MALRD1: variants seen among roughly 807,000 people sequenced by gnomAD.
The protein encoded by MALRD1 is MAM and LDL receptor class A domain containing 1, also known as MAM and LDL-receptor class A domain-containing protein 1.
MALRD1 carries 247 observed loss-of-function variants against 242.1 expected under a neutral mutation model. The observed-to-expected ratio is 1.02, with a 90% CI of 0.92 to 1.13. The LOEUF (loss-of-function observed/expected upper bound fraction) is 1.13, where lower values mean the gene tolerates loss of function less well. MALRD1 is among the 50% of genes most tolerant of loss of function. The pLI is 0.00. For synonymous variants in MALRD1, 995 were observed against 866.6 expected, an observed-to-expected ratio of 1.15 and a Z score of -2.60; for missense variants, 2,989 against 2,533.1, an observed-to-expected ratio of 1.18 and a Z score of -3.86.
At chr10:19,261,459 A>G (rs962984731) in intron 19 of MALRD1, among the ~76,000 whole-genome samples, 3 of 152,016 alleles carry the variant, frequency 2.0e-5, no homozygotes, top group African/African-American at 7.3e-5. Context: ...AAAAAAAAAA[A>G]AATGTTACTC....
intron 33 of MALRD1, among the ~76,000 whole-genome samples, chr10:19,586,712 T>C (rs535814804): frequency 6.6e-6 from 1 of 152,226 alleles, no homozygotes; most frequent in African/African-American, 2.4e-5. Context: ...AGGTGGAGCC[T>C]ACAGAGGCCC....
chr10:19,180,069 G>C (rs192358471), intron 14 of MALRD1, among the ~76,000 whole-genome samples: 1 of 152,122 alleles, frequency 6.6e-6, no homozygotes, highest in Admixed American at 6.6e-5. Context: ...ATTAAAAAGA[G>C]GCAAGAGGAA....
intron 19 of MALRD1, among the ~76,000 whole-genome samples, chr10:19,270,807 AACACAC>A (rs71387059): frequency 4.9e-4 from 71 of 145,132 alleles, no homozygotes; most frequent in African/African-American, 1.0e-3. Context: ...TTCAAAGGAT[AACACAC>A]ACACACACAC....
intron 14 of MALRD1, among the ~76,000 whole-genome samples, chr10:19,197,286 A>G (rs372871123): frequency 1.3e-5 from 2 of 152,138 alleles, no homozygotes; most frequent in Admixed American, 6.5e-5. Context: ...CACAGAGCCA[A>G]ACCATATCAC....
In MALRD1 at chr10:19,398,284, T is replaced by C. The variant is rs1846676899; in HGVS notation, c.4845+8675T>C. 1.3e-5 allele frequency among the ~76,000 whole-genome samples: 2 copies of C among 152,168 alleles called. 1 individual carries two copies. The highest frequency in any genetic ancestry group is 4.8e-5 in the African/African-American group (2 of 41,452). ...TTCTTCAATATTTTCTTCTGGTAGT[T>C]TTATAGCAATAGCTGCATTTAATGT... On this transcript the variant is annotated intron_variant, in intron 28 of 39. Coordinates refer to ENST00000454679, the MANE Select transcript of MALRD1 (RefSeq NM_001142308.3).
chr10:19,389,593 T>C lies in MALRD1; in HGVS notation c.4829T>C (p.Ile1610Thr). 6.5e-7 allele frequency: 1 copy of C among 1,550,208 alleles called. No homozygotes were observed. The highest frequency in any genetic ancestry group is 8.7e-7 in the Non-Finnish European group (1 of 1,146,782). Reference protein sequence around the residue: ...YFVSAKATGSIQILIKTEKGL... With the variant: ...YFVSAKATGSTQILIKTEKGL... ...GTATCTGCAAAGGCCACAGGATCCA[T>C]TCAGATTCTCATCAAGGTAGGAACA... The change falls in exon 28 of 40, where the codon ATT becomes ACT. Residue 1610 changes from isoleucine (I) to threonine (T), a missense_variant. Coordinates refer to ENST00000454679, the MANE Select transcript of MALRD1 (RefSeq NM_001142308.3).
rs535323053 is a variant in MALRD1, at chr10:19,071,683, A to G, written c.340+4824A>G. Among the ~76,000 whole-genome samples, 4 of 152,188 alleles carry G rather than the reference A, an allele frequency of 2.6e-5. No individual in the cohort carries two copies. In the East Asian group the frequency reaches 5.8e-4, roughly 22 times the overall value. On this transcript the variant is annotated intron_variant, in intron 2 of 39. Transcript: ENST00000454679. Reference sequence around the variant, plus strand: ...CTCTATGTTGCCCTTTCTGAAGGGAAACTGAGCCATAATCCATTCCTAAGT... The same window carrying G: ...CTCTATGTTGCCCTTTCTGAAGGGAGACTGAGCCATAATCCATTCCTAAGT...
At chr10:19,467,271 C>T (rs906985277) in intron 29 of MALRD1, among the ~76,000 whole-genome samples, 3 of 150,408 alleles carry the variant, frequency 2.0e-5, no homozygotes, top group Admixed American at 6.7e-5. Flanking sequence ...AGGAGAATGG[C>T]GTGAACCCGG....
intron 32 of MALRD1, among the ~76,000 whole-genome samples, chr10:19,536,295 A>G (rs1183668747): frequency 6.6e-6 from 1 of 151,356 alleles, no homozygotes; most frequent in African/African-American, 2.4e-5. Flanking sequence ...CAATTAGGCC[A>G]TGCTTCCTTA....
intron 14 of MALRD1, among the ~76,000 whole-genome samples, chr10:19,194,549 T>C (rs1340525298): frequency 6.6e-6 from 1 of 152,136 alleles, no homozygotes; most frequent in Admixed American, 6.5e-5. Context: ...TGGACACTTC[T>C]ATACTTTCTG....
At chr10:19,617,725 A>G (rs1211638228) in intron 36 of MALRD1, among the ~76,000 whole-genome samples, 1 of 151,902 alleles carries the variant, frequency 6.6e-6, no homozygotes, top group East Asian at 1.9e-4. Flanking sequence ...TACACACACA[A>G]TTTTAAATTC....
At chr10:19,606,916 A>G (rs1838663373) in intron 34 of MALRD1, among the ~76,000 whole-genome samples, 1 of 152,142 alleles carries the variant, frequency 6.6e-6, no homozygotes, top group African/African-American at 2.4e-5. Flanking sequence ...GAAGAACATA[A>G]TACAATTTTA....
intron 38 of MALRD1, among the ~76,000 whole-genome samples, chr10:19,696,152 T>C (rs905539771): frequency 6.6e-6 from 1 of 152,060 alleles, no homozygotes; most frequent in East Asian, 1.9e-4. Context: ...ATGAAGGAAC[T>C]CTGCAGGCTG....
At chr10:19,579,622 A>G (rs991641585) in intron 33 of MALRD1, among the ~76,000 whole-genome samples, 2 of 152,158 alleles carry the variant, frequency 1.3e-5, no homozygotes, top group Admixed American at 6.5e-5. Context: ...TGCATATCCT[A>G]TCATCTGATA....
intron 18 of MALRD1, among the ~76,000 whole-genome samples, chr10:19,235,449 C>A (rs2131711339): frequency 7.1e-6 from 1 of 141,562 alleles, no homozygotes; most frequent in East Asian, 2.2e-4. Flanking sequence ...TGTCCTTTGC[C>A]CATTTTTTAA....
Position 19,612,293 on chromosome 10 carries a change from GC to G in MALRD1, c.6071-3558del, listed in dbSNP as rs1430058103. 2.0e-5 allele frequency among the ~76,000 whole-genome samples: 3 copies of G among 151,962 alleles called. No homozygotes were observed. In the South Asian group the frequency reaches 6.2e-4, roughly 32 times the overall value. On this transcript the variant is annotated intron_variant, in intron 35 of 39. Coordinates refer to ENST00000454679, the MANE Select transcript of MALRD1 (RefSeq NM_001142308.3). ...ATGTTTGTTCTGTTCAGAGGAGCATGCCCCCCAGTCCTGAGGTATGGAGCTC... is the reference window on the plus strand; with the variant it reads ...ATGTTTGTTCTGTTCAGAGGAGCATGCCCCCAGTCCTGAGGTATGGAGCTC...
chr10:19,195,397 C>T (rs569000564), intron 14 of MALRD1, among the ~76,000 whole-genome samples: 3 of 152,272 alleles, frequency 2.0e-5, no homozygotes, highest in Admixed American at 6.5e-5. Context: ...TTTATCTTCA[C>T]TACTGTAGAA....
intron 13 of MALRD1, among the ~76,000 whole-genome samples, chr10:19,169,209 G>T (rs887456948): frequency 6.6e-6 from 1 of 151,922 alleles, no homozygotes. Context: ...AAACACTCTC[G>T]GTGTTATGTT....
chr10:19,172,093 A>G (rs1356152210), intron 13 of MALRD1, among the ~76,000 whole-genome samples: 1 of 140,572 alleles, frequency 7.1e-6, no homozygotes, highest in Non-Finnish European at 1.5e-5. Flanking sequence ...ACATATGTGT[A>G]TATGTATCAG....
Sources: allele counts gnomAD v4.1 joint callset (sites outside exome capture counted in the v4.1 genomes callset), GRCh38; gene constraint gnomAD v4.1.1; transcripts MANE v1.5; gene names NCBI Gene and HGNC (gene_info 2026-07-23, HGNC 2026-07-21).